The following C11orf54 variants were observed in gnomAD, a reference collection of about 807,000 sequenced individuals.
C11orf54 encodes the protein beta-keto-L-gulonate decarboxylase.
Under a neutral mutation model 35.5 loss-of-function variants are expected in C11orf54, and 29 were observed. That is an observed-to-expected ratio of 0.82 (90% CI 0.61 to 1.11). The LOEUF (loss-of-function observed/expected upper bound fraction) is 1.11, where lower values mean the gene tolerates loss of function less well. Ranked by LOEUF, C11orf54 falls within the 50% of genes most tolerant of loss-of-function variation. The probability of loss-of-function intolerance (pLI) is 0.00; values close to 1 mark genes in which losing one functional copy is unlikely to be tolerated. For missense variants in C11orf54, 373 were observed against 369.2 expected, an observed-to-expected ratio of 1.01 and a Z score of -0.08; for synonymous variants, 108 against 121.1, an observed-to-expected ratio of 0.89 and a Z score of 0.71.
At position 93,742,287 on chromosome 11, in the gene C11orf54, A is replaced by AT. The variant is rs60416724; in HGVS notation, c.-98+572dup. On this transcript the variant is annotated intron_variant, in intron 1 of 8. Transcript: ENST00000354421. ...GGTGGGGTTTTTTTCTCCCAAAGTAATTTTTTTTTTTTTGAGACCGAGTTT... is the reference window on the plus strand; with the variant it reads ...GGTGGGGTTTTTTTCTCCCAAAGTAATTTTTTTTTTTTTTGAGACCGAGTTT... The AT allele has an allele frequency of 5.2e-3, 754 of 146,038 alleles. 13 individuals are homozygous for AT. In the East Asian group the frequency reaches 0.057, roughly 11 times the overall value. The allele number at this position is 146,038 out of a possible 1,614,324, so 9.0% of individuals were successfully genotyped here. A position where few individuals can be genotyped will look rare whatever the true frequency, so the allele number is the denominator to read the frequency against.
Position 93,747,462 on chromosome 11 carries a change from T to G in C11orf54, c.55+14T>G, listed in dbSNP as rs764854235. ...AGCTTGCTGGAGGTAAAAACAATAT[T>G]AACTTTGGATTTTTAAAAATTATCC... On this transcript the variant is annotated intron_variant, in intron 2 of 8. Transcript: ENST00000354421. The G allele has an allele frequency of 1.3e-6, 2 of 1,576,160 alleles. No homozygotes were observed. Among genetic ancestry groups the G allele is most frequent in the African/African-American group, 2.8e-5 (2 of 72,252 alleles).
At chr11:93,754,797 G>T (rs976846395) in intron 5 of C11orf54, 1 of 135,250 alleles carries the variant, frequency 7.4e-6, no homozygotes, top group African/African-American at 2.8e-5. Context: ...GCAGTGGCGC[G>T]ATCTTGGCTC....
Position 93,759,760 on chromosome 11 carries a change from T to C in C11orf54, c.676T>C (p.Cys226Arg). The C allele has an allele frequency of 6.2e-7, 1 of 1,600,822 alleles. No homozygotes were observed. Among genetic ancestry groups the C allele is most frequent in the Non-Finnish European group, 8.5e-7 (1 of 1,171,596 alleles). ...GTTGTAGCCTGCAGAATTTTCTTCCTGCCCCTTGAACTCTGATGAAGAAGT... is the reference window on the plus strand; with the variant it reads ...GTTGTAGCCTGCAGAATTTTCTTCCCGCCCCTTGAACTCTGATGAAGAAGT... ...SHIMPAEFSS[C>R]PLNSDEEVNK... The change falls in exon 8 of 9, where the codon TGC becomes CGC. Residue 226 changes from cysteine to arginine, a missense_variant. Cys to Arg is a radical substitution (Grantham distance 180). Transcript: ENST00000354421.
chr11:93,756,329 A>T (rs1943154063), intron 6 of C11orf54, among the ~76,000 whole-genome samples: 1 of 150,812 alleles, frequency 6.6e-6, no homozygotes, highest in African/African-American at 2.4e-5. Context: ...AAAAAAAAAA[A>T]ATTTTTTTTT....
chr11:93,753,268 T>A (rs1942943309), intron 3 of C11orf54, among the ~76,000 whole-genome samples: 1 of 152,118 alleles, frequency 6.6e-6, no homozygotes, highest in Non-Finnish European at 1.5e-5. Context: ...TGAGCCACCA[T>A]CTGAGAATTT....
chr11:93,751,437 ACT>A (rs1942823181), intron 3 of C11orf54, among the ~76,000 whole-genome samples: 1 of 116,674 alleles, frequency 8.6e-6, no homozygotes, highest in Non-Finnish European at 1.6e-5. Context: ...ACAGAGTCTC[ACT>A]CTGTCACCAG....
intron 1 of C11orf54, among the ~76,000 whole-genome samples, chr11:93,744,905 G>C (rs1049637040): frequency 6.6e-6 from 1 of 152,206 alleles, no homozygotes; most frequent in African/African-American, 2.4e-5. Context: ...AGGGAACTGC[G>C]GTGGGAGAAC....
chr11:93,749,504 C>CAAAAAAAAAAAAAAAAAAAA (rs10624807), intron 2 of C11orf54, among the ~76,000 whole-genome samples: 1 of 71,742 alleles, frequency 1.4e-5, no homozygotes, highest in African/African-American at 6.3e-5. Flanking sequence ...GACTCTGTCT[C>CAAAAAAAAAAAAAAAAAAAA]AAAAAAAAAA....
rs777803259 is a variant in C11orf54, at chr11:93,761,733, A to C, written c.*45A>C. 6.7e-7 allele frequency: 1 copy of C among 1,499,030 alleles called. No individual in the cohort carries two copies. The highest frequency in any genetic ancestry group is 1.3e-5 in the South Asian group (1 of 77,208). 92.9% of individuals were successfully genotyped at this position (1,499,030 alleles called of 1,614,324 possible). A position where few individuals can be genotyped will look rare whatever the true frequency, so the allele number is the denominator to read the frequency against. On this transcript the variant is annotated 3_prime_UTR_variant, in exon 9 of 9. Transcript: ENST00000354421. The stretch of plus-strand genomic sequence containing the variant: ...GAAAAAGAAATAATTAAGGTTAATT[A>C]ATTGATTGACTTATTAATTAATACT...
chr11:93,747,248 T>C (rs1046276570), intron 1 of C11orf54, 49 bp from the exon 2 acceptor site: 1 of 459,078 alleles, frequency 2.2e-6, no homozygotes, highest in Non-Finnish European at 3.8e-6. Context: ...GAAACCTAAA[T>C]GCCCTTTTGT....
At chr11:93,754,983 C>A in intron 5 of C11orf54, 1 of 355,534 alleles carries the variant, frequency 2.8e-6, no homozygotes. Flanking sequence ...GTGATCCGCC[C>A]CCCTTGGCCT....
chr11:93,758,192 C>A (rs1282001068), intron 7 of C11orf54, among the ~76,000 whole-genome samples: 1 of 152,188 alleles, frequency 6.6e-6, no homozygotes, highest in African/African-American at 2.4e-5. Context: ...TGAGGCTACA[C>A]ACTCTATGGA....
At chr11:93,749,484 A>C (rs1302661139) in intron 2 of C11orf54, among the ~76,000 whole-genome samples, 1 of 133,058 alleles carries the variant, frequency 7.5e-6, no homozygotes, top group Non-Finnish European at 1.6e-5. Context: ...AGGTAAGGCT[A>C]TCAGAGTGAG....
At chr11:93,751,820 CTTTTTT>C (rs35146074) in intron 3 of C11orf54, among the ~76,000 whole-genome samples, 1 of 80,228 alleles carries the variant, frequency 1.2e-5, no homozygotes, top group Non-Finnish European at 2.4e-5. Flanking sequence ...AATGGTTAAT[CTTTTTT>C]TTTTTTTTTT....
chr11:93,761,167 T>G (rs143143013), intron 8 of C11orf54, among the ~76,000 whole-genome samples: 1 of 152,310 alleles, frequency 6.6e-6, no homozygotes, highest in East Asian at 1.9e-4. Flanking sequence ...TTTTATGATT[T>G]CATATACAAA....
At position 93,755,338 on chromosome 11, in the gene C11orf54, G is replaced by A; in HGVS notation, c.459G>A (p.Gln153=). The change falls in exon 6 of 9, where the codon CAG becomes CAA. Residue 153 remains glutamine, a synonymous_variant. Transcript: ENST00000354421. ...ACAGTGAGAAATGTCATGATTTTCA[G>A]TGTGCATTACTGGCTAATCTTTTTG... ...EKYSEKCHDF[Q]CALLANLFAS... The A allele has an allele frequency of 3.1e-6, 5 of 1,614,176 alleles. No individual in the cohort carries two copies. The highest frequency in any genetic ancestry group is 2.2e-5 in the South Asian group (2 of 91,084).
At chr11:93,746,059 A>C (rs1942452997) in intron 1 of C11orf54, 2 of 152,258 alleles carry the variant, frequency 1.3e-5, no homozygotes, top group Admixed American at 1.3e-4. Context: ...GAACAATAAA[A>C]GCTGGTATTT....
chr11:93,759,718 C>A, intron 7 of C11orf54, 24 bp from the exon 8 acceptor site: 1 of 1,284,894 alleles, frequency 7.8e-7, no homozygotes, highest in East Asian at 2.3e-5. Flanking sequence ...GTATGTTTAC[C>A]TATGTAATTA....
intron 3 of C11orf54, 99 bp downstream of exon 3, chr11:93,750,543 G>C: frequency 1.1e-6 from 1 of 938,388 alleles, no homozygotes; most frequent in Non-Finnish European, 1.6e-6. Flanking sequence ...ACAAATAAAG[G>C]ATATTGTCAC....
Sources: gnomAD v4.1 joint callset for allele counts (sites outside exome capture counted in the v4.1 genomes callset) on GRCh38, gnomAD v4.1.1 for gene constraint, MANE v1.5 for transcripts, NCBI Gene and HGNC (gene_info 2026-07-23, HGNC 2026-07-21) for gene names.